KALRN: variants seen among roughly 807,000 people sequenced by gnomAD.
The protein encoded by KALRN is kalirin RhoGEF kinase.
KALRN carries 70 observed loss-of-function variants against 353.7 expected under a neutral mutation model. The observed-to-expected ratio is 0.20, with a 90% CI of 0.16 to 0.24. KALRN has a LOEUF of 0.24. Among genes scored for constraint, KALRN ranks in the 10% least tolerant of loss-of-function variants. The pLI is 1.00. For missense variants in KALRN, 2,791 were observed against 3,756.7 expected, an observed-to-expected ratio of 0.74 and a Z score of 6.72; for synonymous variants, 1,391 against 1,434.8, an observed-to-expected ratio of 0.97 and a Z score of 0.69.
intron 51 of KALRN, among the ~76,000 whole-genome samples, chr3:124,681,755 G>A (rs1385520443): frequency 6.7e-6 from 1 of 149,746 alleles, no homozygotes; most frequent in Non-Finnish European, 1.5e-5. Flanking sequence ...TCAGCCTCCT[G>A]AGTAGCTGGG....
intron 5 of KALRN, among the ~76,000 whole-genome samples, chr3:124,291,038 A>G (rs1042315503): frequency 1.3e-5 from 2 of 152,208 alleles, no homozygotes; most frequent in African/African-American, 4.8e-5. Context: ...ACCATGGGCC[A>G]TCTTGGGTAC....
chr3:124,542,806 G>T (rs747849725), intron 33 of KALRN, among the ~76,000 whole-genome samples: 5 of 152,146 alleles, frequency 3.3e-5, no homozygotes, highest in Non-Finnish European at 7.3e-5. Context: ...ATTATCTATT[G>T]CTCCCTAACA....
rs1483120901 is a variant in KALRN, at chr3:124,439,121, TTCTTTCTCTTTCTCTC to T, written c.3198+115_3198+130del. On this transcript the variant is annotated intron_variant, in intron 18 of 59. Coordinates refer to ENST00000682506, the MANE Select transcript of KALRN (RefSeq NM_001388419.1). Reference sequence around the variant, plus strand: ...CATCCTCTTTCTCTTTCTCTTTTCTTTCTTTCTCTTTCTCTCTCTTTCTCTTTCTCTCTCTTTCTCT... The same window carrying T: ...CATCCTCTTTCTCTTTCTCTTTTCTTTCTTTCTCTTTCTCTCTCTTTCTCT... 799 of 1,354,392 alleles carry T rather than the reference TTCTTTCTCTTTCTCTC, an allele frequency of 5.9e-4. 2 individuals are homozygous for T. The highest frequency in any genetic ancestry group is 5.8e-4 in the Non-Finnish European group (573 of 981,736). The allele number at this position is 1,354,392 out of a possible 1,614,324, so 83.9% of individuals were successfully genotyped here.
chr3:124,578,453 C>T (rs190342307), intron 34 of KALRN, among the ~76,000 whole-genome samples: 4 of 152,256 alleles, frequency 2.6e-5, no homozygotes, highest in Non-Finnish European at 2.9e-5. Flanking sequence ...GTCAAGGGAC[C>T]GATTGTCAGA....
At chr3:124,590,271 G>T (rs2075643657) in intron 34 of KALRN, among the ~76,000 whole-genome samples, 2 of 152,118 alleles carry the variant, frequency 1.3e-5, no homozygotes, top group African/African-American at 4.8e-5. Context: ...GTGTATGAAG[G>T]TGGTGGGGTG....
At chr3:124,182,844 C>T (rs1289176030) in intron 1 of KALRN, among the ~76,000 whole-genome samples, 1 of 152,104 alleles carries the variant, frequency 6.6e-6, no homozygotes, top group East Asian at 1.9e-4. Flanking sequence ...TCTATGCTGA[C>T]CAAAACCGCA....
At chr3:124,341,093 G>C (rs1425868996) in intron 9 of KALRN, among the ~76,000 whole-genome samples, 2 of 152,228 alleles carry the variant, frequency 1.3e-5, no homozygotes, top group African/African-American at 2.4e-5. Flanking sequence ...AGGAAGAAAG[G>C]GGGTGATTAG....
At chr3:124,561,866 G>C (rs757796656) in intron 33 of KALRN, among the ~76,000 whole-genome samples, 13 of 152,166 alleles carry the variant, frequency 8.5e-5, no homozygotes, top group Non-Finnish European at 1.8e-4. Context: ...ACTGTACTTA[G>C]TTCTATGAGA....
Position 124,326,123 on chromosome 3 carries a change from C to T in KALRN, c.1236C>T (p.Arg412=). Residue 412 remains arginine, a synonymous_variant, in exon 7 of 60, where the codon CGC becomes CGT. Transcript: ENST00000682506. ...GCTTCGCTGCTGCCCTGGATGAACG[C>T]AGCACCATCCTCGCCATGTCTGCTG... The part of the protein sequence containing the change: ...WKSFAAALDE[R]STILAMSAVF... The T allele has an allele frequency of 6.2e-7, 1 of 1,613,734 alleles. No individual in the cohort carries two copies. The highest frequency in any genetic ancestry group is 8.5e-7 in the Non-Finnish European group (1 of 1,179,818).
intron 35 of KALRN, 82 bp from the exon 36 acceptor site, chr3:124,633,766 CTATG>C: frequency 9.0e-7 from 1 of 1,105,974 alleles, no homozygotes; most frequent in Non-Finnish European, 1.3e-6. Context: ...AACTCTCCTC[CTATG>C]TATTATTTTT....
intron 14 of KALRN, among the ~76,000 whole-genome samples, chr3:124,420,859 G>A (rs1229915810): frequency 1.3e-5 from 2 of 152,152 alleles, no homozygotes; most frequent in African/African-American, 4.8e-5. Context: ...GTTGGTGGTG[G>A]CAGTGATGGA....
intron 13 of KALRN, chr3:124,407,749 C>G (rs1320602933): frequency 6.6e-6 from 1 of 152,208 alleles, no homozygotes; most frequent in Non-Finnish European, 1.5e-5. Context: ...AGCATGGGCC[C>G]TGACGCACAA....
chr3:124,612,807 G>C (rs1443684255), intron 34 of KALRN, among the ~76,000 whole-genome samples: 5 of 152,114 alleles, frequency 3.3e-5, no homozygotes, highest in African/African-American at 1.2e-4. Context: ...ACAGCTCCTG[G>C]CATATAGGAA....
chr3:124,702,852 C>A (rs964541921), intron 57 of KALRN, among the ~76,000 whole-genome samples: 3 of 151,960 alleles, frequency 2.0e-5, no homozygotes, highest in African/African-American at 7.3e-5. Flanking sequence ...TTTAGTGTGT[C>A]CTCAAAAATA....
rs1041682378 is a variant in KALRN at position 124,421,240 on chromosome 3, G to A, written c.2543-1572G>A. ...TAGATCTAAGGATCTGAACAAGGCC[G>A]AATAAGAAATATGTAGACAATCCAA... On this transcript the variant is annotated intron_variant, in intron 14 of 59. Coordinates refer to ENST00000682506, the MANE Select transcript of KALRN (RefSeq NM_001388419.1). 6.6e-5 allele frequency among the ~76,000 whole-genome samples: 10 copies of A among 152,258 alleles called. No homozygotes were observed. In the South Asian group the frequency reaches 1.2e-3, roughly 19 times the overall value.
Position 124,722,221 on chromosome 3 carries a change from G to A in KALRN, c.*2751G>A, listed in dbSNP as rs182927996. 1.3e-5 allele frequency: 2 copies of A among 152,200 alleles called. No homozygotes were observed. The highest frequency in any genetic ancestry group is 6.5e-5 in the Admixed American group (1 of 15,278). 9.4% of individuals were successfully genotyped at this position (152,200 alleles called of 1,614,324 possible). A position where few individuals can be genotyped will look rare whatever the true frequency, so the allele number is the denominator to read the frequency against. ...GGTATTTTTGAAATTATGTTATGGGGGCAGTTGACAGAATGTTAGACAGAC... is the reference window on the plus strand; with the variant it reads ...GGTATTTTTGAAATTATGTTATGGGAGCAGTTGACAGAATGTTAGACAGAC... On this transcript the variant is annotated 3_prime_UTR_variant, in exon 60 of 60. Transcript: ENST00000682506.
intron 9 of KALRN, among the ~76,000 whole-genome samples, chr3:124,344,183 C>T (rs186197207): frequency 2.0e-5 from 3 of 152,286 alleles, no homozygotes; most frequent in African/African-American, 7.2e-5. Context: ...AGGTAGGGTC[C>T]AGGATTTGAC....
intron 23 of KALRN, among the ~76,000 whole-genome samples, chr3:124,458,275 CA>C (rs35854921): frequency 5.9e-4 from 49 of 83,122 alleles, no homozygotes; most frequent in East Asian, 4.5e-3. Context: ...GACTCTGTCT[CA>C]AAAAAAAAAA....
intron 25 of KALRN, among the ~76,000 whole-genome samples, chr3:124,469,273 C>T (rs1209436952): frequency 6.6e-6 from 1 of 152,180 alleles, no homozygotes; most frequent in Non-Finnish European, 1.5e-5. Context: ...GAATGGGCGT[C>T]CAGCCCTGCA....
Sources: gnomAD v4.1 joint callset for allele counts (sites outside exome capture counted in the v4.1 genomes callset) on GRCh38, gnomAD v4.1.1 for gene constraint, MANE v1.5 for transcripts, NCBI Gene and HGNC (gene_info 2026-07-23, HGNC 2026-07-21) for gene names.